Variants in UNC13B observed in about 807,000 individuals in gnomAD.
The protein encoded by UNC13B is protein unc-13 homolog B.
Under a neutral mutation model 211.0 loss-of-function variants are expected in UNC13B, and 144 were observed. The observed-to-expected ratio is 0.68, with a 90% CI of 0.60 to 0.78. The LOEUF is 0.78. Ranked by LOEUF, UNC13B falls within the 30% of genes least tolerant of loss-of-function variation. The probability of loss-of-function intolerance (pLI) is 0.00; values close to 1 mark genes in which losing one functional copy is unlikely to be tolerated. For synonymous variants in UNC13B, 709 were observed against 725.8 expected, an observed-to-expected ratio of 0.98 and a Z score of 0.37; for missense variants, 1,777 against 2,002.0, an observed-to-expected ratio of 0.89 and a Z score of 2.14.
At position 35,383,985 on chromosome 9, in the gene UNC13B, C is replaced by T. The variant is rs182784033; in HGVS notation, c.10807-261C>T. Among the ~76,000 whole-genome samples the T allele has an allele frequency of 4.6e-5, 7 of 152,278 alleles. No individual in the cohort carries two copies. In the East Asian group the frequency reaches 1.4e-3, roughly 29 times the overall value. On this transcript the variant is annotated intron_variant, in intron 21 of 39. Transcript: ENST00000635942. ...TCTCATATAGAAGGAGCCATTTCTC[C>T]CCCCAGGGACTTGGCTTTTTCCTTG...
chr9:35,259,363 A>G (rs941073328), intron 7 of UNC13B, among the ~76,000 whole-genome samples: 11 of 152,136 alleles, frequency 7.2e-5, no homozygotes, highest in African/African-American at 2.6e-4. Flanking sequence ...GCTCAGTTTA[A>G]ATATCATCAC....
chr9:35,167,941 CAG>C (rs1821132482), intron 1 of UNC13B, among the ~76,000 whole-genome samples: 1 of 150,388 alleles, frequency 6.6e-6, no homozygotes, highest in African/African-American at 2.4e-5. Context: ...ATTTTTGAGA[CAG>C]GGTCTTGCAT....
chr9:35,220,882 A>G (rs1824530506), intron 1 of UNC13B, among the ~76,000 whole-genome samples: 1 of 152,158 alleles, frequency 6.6e-6, no homozygotes, highest in African/African-American at 2.4e-5. Context: ...CCAACAGTGT[A>G]CAAGGGTTCC....
intron 1 of UNC13B, among the ~76,000 whole-genome samples, chr9:35,181,649 C>T (rs775578411): frequency 6.6e-6 from 1 of 152,012 alleles, no homozygotes; most frequent in East Asian, 1.9e-4. Context: ...CCAGCCTGGC[C>T]AACATGGTGA....
Position 35,249,084 on chromosome 9 carries a change from G to T in UNC13B, c.468+5720G>T, listed in dbSNP as rs1355912977. Among the ~76,000 whole-genome samples, 7 of 152,268 alleles carry T rather than the reference G, an allele frequency of 4.6e-5. No individual in the cohort carries two copies. The East Asian group carries it at 1.3e-3, about 29-fold the overall frequency. On this transcript the variant is annotated intron_variant, in intron 6 of 39. Coordinates refer to ENST00000635942, the MANE Select transcript of UNC13B (RefSeq NM_001371189.2). ...TTTAAGATAGTTAGCTCTTCTTGTT[G>T]AATTGATCCCTTTCCCATTATGTAA...
intron 1 of UNC13B, among the ~76,000 whole-genome samples, chr9:35,212,812 A>T (rs1824042432): frequency 6.6e-6 from 1 of 152,224 alleles, no homozygotes; most frequent in Non-Finnish European, 1.5e-5. Flanking sequence ...ATGCTTTAAG[A>T]ACATGAGAGT....
At chr9:35,299,077 C>T (rs980227695) in intron 8 of UNC13B, among the ~76,000 whole-genome samples, 1 of 152,078 alleles carries the variant, frequency 6.6e-6, no homozygotes, top group Non-Finnish European at 1.5e-5. Context: ...ACTAAAAATA[C>T]AAAAATTAGC....
chr9:35,363,614 C>T (rs1833575478), intron 11 of UNC13B, among the ~76,000 whole-genome samples: 1 of 152,084 alleles, frequency 6.6e-6, no homozygotes, highest in African/African-American at 2.4e-5. Flanking sequence ...TGTGATGTGA[C>T]ATCAATGGGC....
Position 35,397,641 on chromosome 9 carries a change from G to A in UNC13B, c.11683G>A (p.Gly3895Arg), listed in dbSNP as rs767045154. 3.7e-6 allele frequency: 6 copies of A among 1,613,236 alleles called. No individual in the cohort carries two copies. Among genetic ancestry groups the A allele is most frequent in the Admixed American group, 1.7e-5 (1 of 59,872 alleles). The change falls in exon 30 of 40, where the codon GGG becomes AGG. Residue 3895 changes from glycine (G) to arginine (R), a missense_variant. Transcript: ENST00000635942. ...TCCTTTCTCCTCTTCTCAGACCATC[G>A]GGAAGGTGCTGATGCAGTATGCAGA... is the stretch of plus-strand genomic sequence containing the variant. Reference protein sequence around the residue: ...HYMRRFAKTIGKVLMQYADIL... With the variant: ...HYMRRFAKTIRKVLMQYADIL...
At chr9:35,195,692 A>G (rs1822896706) in intron 1 of UNC13B, among the ~76,000 whole-genome samples, 2 of 152,210 alleles carry the variant, frequency 1.3e-5, no homozygotes, top group Non-Finnish European at 2.9e-5. Context: ...TAATTCTCAG[A>G]GGGCCATACT....
chr9:35,184,807 G>T (rs1016383103), intron 1 of UNC13B, among the ~76,000 whole-genome samples: 261 of 6,846 alleles, frequency 0.038, 3 homozygotes, highest in African/African-American at 0.086. Context: ...GAAGCGGGGG[G>T]GGGGGGGGAG....
chr9:35,255,003 T>TATTAATATATG (rs1343386936), intron 6 of UNC13B, among the ~76,000 whole-genome samples: 26 of 120,762 alleles, frequency 2.2e-4, no homozygotes, highest in Non-Finnish European at 2.3e-4. Flanking sequence ...TTATATTATA[T>TATTAATATATG]TATATATTAA....
chr9:35,344,095 C>T (rs936120909), intron 11 of UNC13B, among the ~76,000 whole-genome samples: 1 of 152,030 alleles, frequency 6.6e-6, no homozygotes, highest in Non-Finnish European at 1.5e-5. Context: ...AGGATCAGGG[C>T]AGCTTTTCCA....
intron 1 of UNC13B, among the ~76,000 whole-genome samples, chr9:35,168,819 T>C (rs1197798116): frequency 6.6e-6 from 1 of 151,766 alleles, no homozygotes; most frequent in South Asian, 2.1e-4. Flanking sequence ...GCTCTCACCT[T>C]AGACTCCTGA....
intron 7 of UNC13B, 35 bp downstream of exon 7, chr9:35,259,085 T>C: frequency 1.2e-6 from 2 of 1,609,268 alleles, no homozygotes; most frequent in Non-Finnish European, 1.7e-6. Context: ...TCTCTTTTAA[T>C]TGTAGCTTTC....
At chr9:35,267,800 T>A (rs1437449108) in intron 7 of UNC13B, among the ~76,000 whole-genome samples, 2 of 152,152 alleles carry the variant, frequency 1.3e-5, no homozygotes, top group Non-Finnish European at 2.9e-5. Flanking sequence ...CAACTTCTTT[T>A]GTCCTGCTAT....
chr9:35,389,809 CTT>C (rs1835415044), intron 24 of UNC13B, 35 bp from the exon 25 acceptor site: 1 of 1,611,392 alleles, frequency 6.2e-7, no homozygotes, highest in African/African-American at 1.3e-5. Flanking sequence ...TACTCTGACT[CTT>C]TCTCCCTCTC....
chr9:35,253,356 G>C (rs1051224226), intron 6 of UNC13B, among the ~76,000 whole-genome samples: 1 of 152,040 alleles, frequency 6.6e-6, no homozygotes, highest in Non-Finnish European at 1.5e-5. Context: ...TGCCCAGGCT[G>C]GACATTCTTT....
intron 11 of UNC13B, among the ~76,000 whole-genome samples, chr9:35,316,636 G>T (rs1411335489): frequency 6.6e-6 from 1 of 152,026 alleles, no homozygotes; most frequent in African/African-American, 2.4e-5. Flanking sequence ...AATGAGTTTT[G>T]AACTTACTTG....
Sources: allele counts gnomAD v4.1 joint callset (sites outside exome capture counted in the v4.1 genomes callset), GRCh38; gene constraint gnomAD v4.1.1; transcripts MANE v1.5; gene names NCBI Gene and HGNC (gene_info 2026-07-23, HGNC 2026-07-21).